The following SHMT1 variants were observed in gnomAD, a reference collection of about 807,000 sequenced individuals.
SHMT1 encodes serine hydroxymethyltransferase 1, also known as serine hydroxymethyltransferase, cytosolic.
Under a neutral mutation model 49.0 loss-of-function variants are expected in SHMT1, and 45 were observed. The observed-to-expected ratio is 0.92, with a 90% CI of 0.72 to 1.18. The LOEUF is 1.18. SHMT1 is among the 50% of genes most tolerant of loss of function. The pLI is 0.00. For missense variants in SHMT1, 541 were observed against 612.4 expected (o/e 0.88, Z 1.23); for synonymous variants, 232 against 246.6 (o/e 0.94, Z 0.55).
rs778122975 is a variant in SHMT1, at chr17:18,353,787, G to A, written c.127C>T (p.Arg43Trp). Residue 43 changes from arginine to tryptophan, a missense_variant, in exon 3 of 12, where the codon CGG becomes TGG. Transcript: ENST00000316694. ...ATCAGCTCCAATCCAACCCTCTGCCGGTTACTCTCCTTCTTAATGATGTTG... is the reference window on the plus strand; with the variant it reads ...ATCAGCTCCAATCCAACCCTCTGCCAGTTACTCTCCTTCTTAATGATGTTG... The part of the protein sequence containing the change: ...VYNIIKKESN[R>W]QRVGLELIAS... The A allele has an allele frequency of 6.8e-6, 11 of 1,613,886 alleles. No homozygotes were observed. The highest frequency in any genetic ancestry group is 6.7e-5 in the African/African-American group (5 of 74,878).
At position 18,340,530 on chromosome 17, in the gene SHMT1, C is replaced by A; in HGVS notation, c.601+202G>T. The A allele has an allele frequency of 2.9e-6, 2 of 688,790 alleles. No individual in the cohort carries two copies. Among genetic ancestry groups the A allele is most frequent in the South Asian group, 1.6e-5 (1 of 62,478 alleles). The allele number at this position is 688,790 out of a possible 1,614,324, so 42.7% of individuals were successfully genotyped here. A position where few individuals can be genotyped will look rare whatever the true frequency, so the allele number is the denominator to read the frequency against. On this transcript the variant is annotated intron_variant, in intron 6 of 11. Transcript: ENST00000316694. This position sits in a 1 kb window ranked among gnomAD's most constrained non-coding sequence, Gnocchi z 4.5. ...AGATGCTTCTCTGAGAACAGTCTCA[C>A]ATCTTAATCTACATAGCACAAAAAG...
intron 1 of SHMT1, among the ~76,000 whole-genome samples, chr17:18,362,697 C>T (rs966916483): frequency 6.6e-6 from 1 of 152,214 alleles, no homozygotes; most frequent in Non-Finnish European, 1.5e-5. Context: ...GATTGAAGGC[C>T]CGCATCTGTG....
intron 2 of SHMT1, among the ~76,000 whole-genome samples, chr17:18,355,144 C>A (rs111921907): frequency 7.7e-6 from 1 of 129,142 alleles, no homozygotes. Context: ...CTGAGGTGGG[C>A]GGATCACGAG....
chr17:18,342,911 G>A (rs1984673658), intron 5 of SHMT1, among the ~76,000 whole-genome samples: 1 of 151,804 alleles, frequency 6.6e-6, no homozygotes, highest in African/African-American at 2.4e-5. Flanking sequence ...ACTCCAGCCT[G>A]GGCGACAAAG....
chr17:18,331,168 G>T, intron 9 of SHMT1: 1 of 273,206 alleles, frequency 3.7e-6, no homozygotes, highest in Admixed American at 4.9e-5. Context: ...ACAACAGCAA[G>T]GCTAACAGAG....
chr17:18,345,716 T>C (rs1237225107), intron 5 of SHMT1, among the ~76,000 whole-genome samples: 1 of 151,566 alleles, frequency 6.6e-6, no homozygotes, highest in East Asian at 1.9e-4. Flanking sequence ...GTTTCACTCT[T>C]GTCGCCCACT....
At chr17:18,333,986 T>C (rs187870296) in intron 8 of SHMT1, among the ~76,000 whole-genome samples, 3 of 152,256 alleles carry the variant, frequency 2.0e-5, no homozygotes, top group African/African-American at 7.2e-5. Flanking sequence ...TCGCTGAGGC[T>C]GGAGTGCAGT....
intron 11 of SHMT1, 136 bp downstream of exon 11, chr17:18,329,142 T>C (rs1207928924): frequency 2.3e-6 from 2 of 886,434 alleles, no homozygotes; most frequent in Non-Finnish European, 3.6e-6. Flanking sequence ...TTTACATGTG[T>C]TTTTTGCTGT....
intron 1 of SHMT1, among the ~76,000 whole-genome samples, chr17:18,360,042 G>A (rs905595004): frequency 3.9e-5 from 6 of 152,080 alleles, no homozygotes; most frequent in African/African-American, 1.4e-4. Context: ...GAGGTCAGGA[G>A]TTCGAGACCA....
At position 18,340,864 on chromosome 17, in the gene SHMT1, G is replaced by A; in HGVS notation, c.520-51C>T. ...CAGGCTGCTTCCTCCAACCACACCTGCCTCCTGTCCTCCCACTTGAACTGG... is the reference window on the plus strand; with the variant it reads ...CAGGCTGCTTCCTCCAACCACACCTACCTCCTGTCCTCCCACTTGAACTGG... On this transcript the variant is annotated intron_variant, in intron 5 of 11. Transcript: ENST00000316694. The surrounding 1 kb of genome is among the most constrained non-coding windows in gnomAD (Gnocchi z 4.5). The A allele has an allele frequency of 7.4e-7, 1 of 1,348,260 alleles. No individual in the cohort carries two copies. The highest frequency in any genetic ancestry group is 1.0e-6 in the Non-Finnish European group (1 of 956,278). The allele number at this position is 1,348,260 out of a possible 1,614,324, so 83.5% of individuals were successfully genotyped here.
chr17:18,359,189 G>A (rs906324837), intron 1 of SHMT1, among the ~76,000 whole-genome samples: 20 of 150,314 alleles, frequency 1.3e-4, no homozygotes, highest in African/African-American at 4.2e-4. Context: ...AGTGAGCCGA[G>A]ATCACACCAC....
chr17:18,329,506 G>T, intron 10 of SHMT1, 118 bp from the exon 11 acceptor site: 2 of 804,782 alleles, frequency 2.5e-6, no homozygotes, highest in Non-Finnish European at 4.1e-6. Flanking sequence ...GCTGTCCCTA[G>T]CAAGGAGTAC....
rs1428329334 is a variant in SHMT1, at chr17:18,328,438, CTA to C, written c.*310_*311del. The C allele has an allele frequency of 1.3e-5, 5 of 398,994 alleles. No homozygotes were observed. Among genetic ancestry groups the C allele is most frequent in the African/African-American group, 2.1e-5 (1 of 48,684 alleles). 24.7% of individuals were successfully genotyped at this position (398,994 alleles called of 1,614,324 possible). A position where few individuals can be genotyped will look rare whatever the true frequency, so the allele number is the denominator to read the frequency against. On this transcript the variant is annotated 3_prime_UTR_variant, in exon 12 of 12. Transcript: ENST00000316694. Reference sequence around the variant, plus strand: ...CTACAATCTTTCTAACAGCTTTGCCCTACACCACCATCTAAATGATTATGACC... The same window carrying C: ...CTACAATCTTTCTAACAGCTTTGCCCCACCACCATCTAAATGATTATGACC...
chr17:18,347,979 G>A (rs1216413844), intron 4 of SHMT1, among the ~76,000 whole-genome samples: 1 of 150,400 alleles, frequency 6.6e-6, no homozygotes, highest in Non-Finnish European at 1.5e-5. Flanking sequence ...ATGCAATGGC[G>A]CCATCTCGGC....
intron 1 of SHMT1, among the ~76,000 whole-genome samples, chr17:18,357,591 G>A (rs1234720842): frequency 6.6e-6 from 1 of 152,016 alleles, no homozygotes. Context: ...ATGTAAATGG[G>A]AGTTTTGCTA....
intron 9 of SHMT1, 35 bp from the exon 10 acceptor site, chr17:18,330,706 G>A (rs200912854): frequency 1.3e-4 from 181 of 1,426,104 alleles, no homozygotes; most frequent in Non-Finnish European, 1.6e-4. Flanking sequence ...AAATGCAGGC[G>A]AATTCTATGC....
At chr17:18,346,988 G>T (rs766382614) in intron 5 of SHMT1, among the ~76,000 whole-genome samples, 2 of 152,228 alleles carry the variant, frequency 1.3e-5, no homozygotes, top group Admixed American at 1.3e-4. Flanking sequence ...GCAGGGGCTA[G>T]CCCTAACGTG....
At chr17:18,339,583 C>T (rs3794772) in intron 7 of SHMT1, among the ~76,000 whole-genome samples, 54,193 of 149,988 alleles carry the variant, frequency 0.36, 10,738 homozygotes, top group African/African-American at 0.52. Flanking sequence ...TTTTTTGAGA[C>T]GGCATCTCGC....
intron 7 of SHMT1, among the ~76,000 whole-genome samples, chr17:18,339,316 CTT>C (rs1984222870): frequency 2.6e-5 from 4 of 152,156 alleles, no homozygotes; most frequent in African/African-American, 9.7e-5. Context: ...GAGTCTTTCT[CTT>C]TGAGAAACAT....
Sources: gnomAD v4.1 joint callset for allele counts (sites outside exome capture counted in the v4.1 genomes callset) on GRCh38, gnomAD v4.1.1 for gene constraint, Gnocchi (gnomAD v3.1) non-coding constraint, MANE v1.5 for transcripts, NCBI Gene and HGNC (gene_info 2026-07-23, HGNC 2026-07-21) for gene names.